The following MAST4 variants were observed in gnomAD, a reference collection of about 807,000 sequenced individuals.
The protein encoded by MAST4 is microtubule associated serine/threonine kinase family member 4.
In MAST4, 89 loss-of-function variants were observed where a neutral mutation model predicts 162.7. The ratio of observed to expected loss-of-function variants is 0.55; its 90% CI spans 0.46 to 0.65. The LOEUF (loss-of-function observed/expected upper bound fraction) is 0.65. MAST4 is among the 30% of genes least tolerant of loss of function. MAST4 has a pLI of 0.00. For synonymous variants in MAST4, 1,479 were observed against 1,361.1 expected, an observed-to-expected ratio of 1.09 and a Z score of -1.91; for missense variants, 3,153 against 3,374.0, an observed-to-expected ratio of 0.93 and a Z score of 1.62.
At chr5:67,147,048 G>C (rs145053504) in intron 23 of MAST4, among the ~76,000 whole-genome samples, 5 of 152,130 alleles carry the variant, frequency 3.3e-5, no homozygotes, top group African/African-American at 1.2e-4. Flanking sequence ...CGGAAAGGTA[G>C]GAGGGGAAGG....
chr5:67,081,516 C>T (rs772906277), intron 5 of MAST4, among the ~76,000 whole-genome samples: 11 of 151,902 alleles, frequency 7.2e-5, no homozygotes, highest in Non-Finnish European at 1.2e-4. Context: ...TTAAGACTTC[C>T]TGGTTCAGAG....
intron 15 of MAST4, 29 bp downstream of exon 15, chr5:67,130,447 T>G: frequency 6.2e-7 from 1 of 1,604,388 alleles, no homozygotes; most frequent in East Asian, 2.2e-5. Context: ...ATGACACCTG[T>G]ACCCAGGAAT....
chr5:66,742,139 C>T (rs1752509337), intron 1 of MAST4, among the ~76,000 whole-genome samples: 1 of 152,160 alleles, frequency 6.6e-6, no homozygotes, highest in African/African-American at 2.4e-5. Context: ...GCTGGTCTAC[C>T]AGTGAGGTGC....
intron 4 of MAST4, among the ~76,000 whole-genome samples, chr5:66,987,337 A>G (rs1018106146): frequency 9.9e-5 from 15 of 152,190 alleles, no homozygotes; most frequent in African/African-American, 3.6e-4. Context: ...GTCATGTGCA[A>G]TGTGTTTTGA....
At chr5:67,077,301 C>G (rs1479831727) in intron 5 of MAST4, among the ~76,000 whole-genome samples, 1 of 151,988 alleles carries the variant, frequency 6.6e-6, no homozygotes, top group East Asian at 1.9e-4. Context: ...ACCTCCCTCC[C>G]CATTCTGATT....
chr5:66,969,988 A>T (rs1353871248), intron 4 of MAST4, among the ~76,000 whole-genome samples: 1 of 152,136 alleles, frequency 6.6e-6, no homozygotes, highest in Non-Finnish European at 1.5e-5. Context: ...AATTCCTGGA[A>T]TTTTATTTCT....
chr5:66,811,820 T>C (rs1756492779), intron 3 of MAST4, among the ~76,000 whole-genome samples: 1 of 143,698 alleles, frequency 7.0e-6, no homozygotes, highest in Non-Finnish European at 1.6e-5. Context: ...GGTTTTTGGA[T>C]GCTTTCCTCA....
At chr5:66,815,183 T>C (rs973021285) in intron 3 of MAST4, among the ~76,000 whole-genome samples, 1 of 152,226 alleles carries the variant, frequency 6.6e-6, no homozygotes, top group Non-Finnish European at 1.5e-5. Context: ...ATATTAGTTA[T>C]GATTTTTATA....
chr5:67,100,536 C>T lies in MAST4; in HGVS notation c.1014C>T (p.Ile338=), dbSNP rs372779389. Residue 338 remains isoleucine (I), a synonymous_variant, in exon 8 of 29, where the codon ATC becomes ATT. Transcript: ENST00000403625. ...AACATTTCTGTACCACCGAAAGCAT[C>T]GCCACTGAGAACAGATGCAGGAACA... is the stretch of plus-strand genomic sequence containing the variant. ...LSKHFCTTES[I]ATENRCRNTP... 5.0e-5 allele frequency: 80 copies of T among 1,613,830 alleles called. No homozygotes were observed. The African/African-American group carries it at 8.5e-4, about 17-fold the overall frequency.
intron 1 of MAST4, among the ~76,000 whole-genome samples, chr5:66,633,329 G>C (rs578256398): frequency 6.6e-6 from 1 of 152,312 alleles, no homozygotes; most frequent in South Asian, 2.1e-4. Context: ...GGTTGTATGA[G>C]CTGTAAAACA....
chr5:66,766,855 A>G (rs1002041186), intron 2 of MAST4, among the ~76,000 whole-genome samples: 1 of 152,220 alleles, frequency 6.6e-6, no homozygotes, highest in East Asian at 1.9e-4. Context: ...GCTACATGCT[A>G]TGACAAGCAA....
chr5:66,694,594 C>T (rs1028978340), intron 1 of MAST4, among the ~76,000 whole-genome samples: 3 of 152,080 alleles, frequency 2.0e-5, no homozygotes, highest in African/African-American at 4.8e-5. Flanking sequence ...TCAAGTGATT[C>T]TCCTGCCTTA....
intron 2 of MAST4, among the ~76,000 whole-genome samples, chr5:66,779,868 T>C (rs956038608): frequency 6.6e-6 from 1 of 152,208 alleles, no homozygotes; most frequent in Non-Finnish European, 1.5e-5. Flanking sequence ...TGACAGGTTC[T>C]TTAAAAACTC....
chr5:67,025,373 A>G (rs915969481), intron 4 of MAST4, among the ~76,000 whole-genome samples: 1 of 152,198 alleles, frequency 6.6e-6, no homozygotes, highest in East Asian at 1.9e-4. Context: ...TGGAAAATAC[A>G]TGGCTAATAC....
chr5:66,828,736 G>T (rs990418862), intron 3 of MAST4: 1 of 1,502,544 alleles, frequency 6.7e-7, no homozygotes, highest in Non-Finnish European at 9.0e-7. Flanking sequence ...CAGCTAGAGC[G>T]TGATGTAAGT....
chr5:66,986,384 A>T (rs1749496742), intron 4 of MAST4: 2 of 1,182,682 alleles, frequency 1.7e-6, no homozygotes, highest in East Asian at 2.7e-5. Context: ...TCTTTATTTT[A>T]GAAAGAAAAT....
chr5:66,904,698 T>C (rs1167960512), intron 4 of MAST4, among the ~76,000 whole-genome samples: 2 of 152,138 alleles, frequency 1.3e-5, no homozygotes, highest in Non-Finnish European at 2.9e-5. Flanking sequence ...GATGGATTGG[T>C]TTATGATATT....
intron 2 of MAST4, 63 bp from the exon 3 acceptor site, chr5:66,788,607 C>CCAAACAAAAAAACAAAA: frequency 1.5e-6 from 2 of 1,373,726 alleles, no homozygotes; most frequent in Non-Finnish European, 2.0e-6. Flanking sequence ...CCCCCACCCC[C>CCAAACAAAAAAACAAAA]ATTGCAATAA....
chr5:67,129,861 C>G (rs776688584), intron 14 of MAST4, among the ~76,000 whole-genome samples: 4 of 152,084 alleles, frequency 2.6e-5, no homozygotes, highest in Non-Finnish European at 4.4e-5. Flanking sequence ...CTTTCCTGTT[C>G]TGACATATAT....
Sources: gnomAD v4.1 joint callset for allele counts (sites outside exome capture counted in the v4.1 genomes callset) on GRCh38, gnomAD v4.1.1 for gene constraint, MANE v1.5 for transcripts, NCBI Gene and HGNC (gene_info 2026-07-23, HGNC 2026-07-21) for gene names.